Variants in BICC1 observed in about 807,000 individuals in gnomAD.
BICC1 encodes BicC family RNA binding protein 1, also known as protein bicaudal C homolog 1.
In BICC1, 43 loss-of-function variants were observed where a neutral mutation model predicts 111.0. The ratio of observed to expected loss-of-function variants is 0.39; its 90% confidence interval spans 0.30 to 0.50. The LOEUF (loss-of-function observed/expected upper bound fraction) is 0.50, where lower values mean the gene tolerates loss of function less well. Ranked by LOEUF, BICC1 falls within the 20% of genes least tolerant of loss-of-function variation. BICC1 has a pLI of 0.88. For synonymous variants in BICC1, 467 were observed against 434.4 expected (o/e 1.07, Z -0.93); for missense variants, 1,091 against 1,203.2 (o/e 0.91, Z 1.38).
intron 2 of BICC1, among the ~76,000 whole-genome samples, chr10:58,672,223 C>T (rs1839206251): frequency 6.6e-6 from 1 of 152,148 alleles, no homozygotes; most frequent in African/African-American, 2.4e-5. Context: ...AAATTCCATA[C>T]CCATTTAACA....
intron 1 of BICC1, among the ~76,000 whole-genome samples, chr10:58,556,131 T>C (rs772228585): frequency 6.6e-6 from 1 of 152,088 alleles, no homozygotes; most frequent in Non-Finnish European, 1.5e-5. Context: ...GCGAAAGTTA[T>C]ACCTCCTAGG....
chr10:58,589,602 G>A (rs1214064590), intron 1 of BICC1, among the ~76,000 whole-genome samples: 1 of 151,938 alleles, frequency 6.6e-6, no homozygotes, highest in African/African-American at 2.4e-5. Context: ...CTCCCAAGTA[G>A]CAGGGACTAG....
At chr10:58,687,435 T>C (rs1424851237) in intron 2 of BICC1, among the ~76,000 whole-genome samples, 1 of 152,226 alleles carries the variant, frequency 6.6e-6, no homozygotes, top group Non-Finnish European at 1.5e-5. Context: ...AAGTTTCTGC[T>C]GCCTTTTGTT....
intron 2 of BICC1, among the ~76,000 whole-genome samples, chr10:58,667,980 G>GT (rs773608630): frequency 6.6e-6 from 1 of 152,020 alleles, no homozygotes; most frequent in African/African-American, 2.4e-5. Context: ...TTCAATAAAA[G>GT]TTTTTTTCCT....
In BICC1 at chr10:58,663,054, CTTTTTCTTTTTCTT is replaced by C. The variant is rs1329546842; in HGVS notation, c.238-39014_238-39001del. On this transcript the variant is annotated intron_variant, in intron 2 of 20. Transcript: ENST00000373886. ...TTGAACATCCAATTTTTTTCTTTTT[CTTTTTCTTTTTCTT>C]TTTTTTTTTTTTTTTTGAGACGGAG... 4.0e-4 allele frequency among the ~76,000 whole-genome samples: 51 copies of C among 126,016 alleles called. 1 individual carries two copies. In the East Asian group the frequency reaches 8.5e-3, roughly 21 times the overall value. The allele number at this position is 126,016 out of a possible 152,430, so 82.7% of individuals were successfully genotyped here. A position where few individuals can be genotyped will look rare whatever the true frequency, so the allele number is the denominator to read the frequency against.
chr10:58,821,287 A>C (rs1185071227), intron 20 of BICC1, among the ~76,000 whole-genome samples: 6 of 152,154 alleles, frequency 3.9e-5, no homozygotes, highest in African/African-American at 1.4e-4. Context: ...AAAGACAGAC[A>C]CACCAGGGGC....
chr10:58,527,780 A>G (rs1842583424), intron 1 of BICC1, among the ~76,000 whole-genome samples: 1 of 152,016 alleles, frequency 6.6e-6, no homozygotes, highest in Non-Finnish European at 1.5e-5. Flanking sequence ...ATAATACCAC[A>G]CATCTACATT....
intron 1 of BICC1, 125 bp from the exon 2 acceptor site, chr10:58,620,730 C>T (rs868363554): frequency 2.6e-6 from 2 of 774,660 alleles, no homozygotes; most frequent in Non-Finnish European, 4.3e-6. Context: ...TATTAGCAGG[C>T]ACTGAGCTGT....
At chr10:58,696,788 G>A (rs1366463489) in intron 2 of BICC1, among the ~76,000 whole-genome samples, 1 of 152,156 alleles carries the variant, frequency 6.6e-6, no homozygotes, top group Non-Finnish European at 1.5e-5. Flanking sequence ...TACTTAATGT[G>A]TGTTTTAATG....
chr10:58,642,432 G>C lies in BICC1; in HGVS notation c.237+21531G>C, dbSNP rs537938844. Among the ~76,000 whole-genome samples the C allele has an allele frequency of 2.0e-5, 3 of 152,280 alleles. No individual in the cohort carries two copies. In the South Asian group the frequency reaches 6.2e-4, roughly 32 times the overall value. On this transcript the variant is annotated intron_variant, in intron 2 of 20. Coordinates refer to ENST00000373886, the MANE Select transcript of BICC1 (RefSeq NM_001080512.3). ...TTTGGTTGGTTAGAGGAAGAGGTCA[G>C]AATGATGAGTTCTAGGTTGGCATTA...
At chr10:58,639,264 A>C (rs1838045904) in intron 2 of BICC1, among the ~76,000 whole-genome samples, 1 of 152,234 alleles carries the variant, frequency 6.6e-6, no homozygotes, top group Non-Finnish European at 1.5e-5. Context: ...TCCAAGAAGC[A>C]GCTCACAGAG....
At chr10:58,520,814 A>T (rs1264068284) in intron 1 of BICC1, among the ~76,000 whole-genome samples, 6 of 152,216 alleles carry the variant, frequency 3.9e-5, no homozygotes, top group Admixed American at 2.6e-4. Flanking sequence ...TCCAGAATCC[A>T]GCAATAACCA....
Position 58,829,221 on chromosome 10 carries a change from T to TTTTTA in BICC1, c.*331_*332insTTTAT, listed in dbSNP as rs1371770660. 18 of 153,408 alleles carry TTTTTA rather than the reference T, an allele frequency of 1.2e-4. 1 individual carries two copies. The highest frequency in any genetic ancestry group is 4.2e-4 in the African/African-American group (16 of 38,286). The allele number at this position is 153,408 out of a possible 1,614,324, so 9.5% of individuals were successfully genotyped here. Reference sequence around the variant, plus strand: ...TTTTTTTTTTTTTTTTTTTTTTTTTTTACTTAAAATGAAGGATGAATTGAC... The same window carrying TTTTTA: ...TTTTTTTTTTTTTTTTTTTTTTTTTTTTTTATACTTAAAATGAAGGATGAATTGAC... On this transcript the variant is annotated 3_prime_UTR_variant, in exon 21 of 21. Coordinates refer to ENST00000373886, the MANE Select transcript of BICC1 (RefSeq NM_001080512.3).
At chr10:58,824,699 A>G (rs745926517) in intron 20 of BICC1, among the ~76,000 whole-genome samples, 8 of 152,210 alleles carry the variant, frequency 5.3e-5, no homozygotes, top group Non-Finnish European at 8.8e-5. Flanking sequence ...ACTGAGTACC[A>G]TGCAAATATA....
intron 3 of BICC1, among the ~76,000 whole-genome samples, chr10:58,709,753 A>G (rs969639754): frequency 6.6e-6 from 1 of 152,258 alleles, no homozygotes; most frequent in Non-Finnish European, 1.5e-5. Flanking sequence ...AAGTAAAAAA[A>G]TGTGGGACAT....
At chr10:58,648,394 T>A in intron 2 of BICC1, 1 of 423,390 alleles carries the variant, frequency 2.4e-6, no homozygotes, top group Non-Finnish European at 3.2e-6. Flanking sequence ...ATGTCATTTC[T>A]CTCTGTCCTT....
intron 2 of BICC1, among the ~76,000 whole-genome samples, chr10:58,621,511 A>G (rs1254239970): frequency 7.7e-6 from 1 of 130,056 alleles, no homozygotes; most frequent in Non-Finnish European, 1.8e-5. Flanking sequence ...CAACAAGGGT[A>G]AGACAAGAGA....
At chr10:58,601,023 C>T (rs1372362134) in intron 1 of BICC1, among the ~76,000 whole-genome samples, 3 of 151,056 alleles carry the variant, frequency 2.0e-5, no homozygotes, top group African/African-American at 7.3e-5. Flanking sequence ...CAACTAGAAT[C>T]CTTTTTTTCT....
At chr10:58,727,476 A>G (rs936775081) in intron 3 of BICC1, among the ~76,000 whole-genome samples, 2 of 151,954 alleles carry the variant, frequency 1.3e-5, no homozygotes, top group Non-Finnish European at 2.9e-5. Context: ...AGTCCCAGCT[A>G]CTTGGGAGGC....
Sources: gnomAD v4.1 joint callset for allele counts (sites outside exome capture counted in the v4.1 genomes callset) on GRCh38, gnomAD v4.1.1 for gene constraint, MANE v1.5 for transcripts, NCBI Gene and HGNC (gene_info 2026-07-23, HGNC 2026-07-21) for gene names.